GRAMD2B: variants seen among roughly 807,000 people sequenced by gnomAD.
The protein encoded by GRAMD2B is GRAM domain containing 2B.
In GRAMD2B, 41 loss-of-function variants were observed where a neutral mutation model predicts 59.2. The observed-to-expected ratio is 0.69, with a 90% CI of 0.54 to 0.90. The LOEUF (loss-of-function observed/expected upper bound fraction) is 0.90, where lower values mean the gene tolerates loss of function less well. Ranked by LOEUF, GRAMD2B falls within the 40% of genes least tolerant of loss-of-function variation. The pLI, the probability that GRAMD2B is intolerant of heterozygous loss-of-function variation, is 0.00. For synonymous variants in GRAMD2B, 161 were observed against 182.7 expected, an observed-to-expected ratio of 0.88 and a Z score of 0.96; for missense variants, 424 against 500.5, an observed-to-expected ratio of 0.85 and a Z score of 1.46.
At chr5:126,409,387 G>C (rs1195150829) in intron 1 of GRAMD2B, among the ~76,000 whole-genome samples, 1 of 152,162 alleles carries the variant, frequency 6.6e-6, no homozygotes, top group African/African-American at 2.4e-5. Flanking sequence ...ATTCTAACTA[G>C]TATGAGATGG....
intron 1 of GRAMD2B, among the ~76,000 whole-genome samples, chr5:126,458,241 C>A (rs1274482331): frequency 2.0e-5 from 3 of 152,012 alleles, no homozygotes; most frequent in Non-Finnish European, 4.4e-5. Context: ...TCAAGACCAG[C>A]CTGGCCAACA....
chr5:126,363,376 TA>T (rs1323680465), intron 1 of GRAMD2B, among the ~76,000 whole-genome samples: 1 of 152,200 alleles, frequency 6.6e-6, no homozygotes, highest in East Asian at 1.9e-4. Context: ...GTCAGAAATG[TA>T]AAATGTTACG....
chr5:126,400,078 GGTAT>G (rs1757695262), intron 1 of GRAMD2B, among the ~76,000 whole-genome samples: 1 of 149,612 alleles, frequency 6.7e-6, no homozygotes, highest in African/African-American at 2.5e-5. Flanking sequence ...TTTTGATAGC[GGTAT>G]GTTTTGAATC....
At chr5:126,398,018 A>ATTTT (rs70994864) in intron 1 of GRAMD2B, among the ~76,000 whole-genome samples, 2 of 72,470 alleles carry the variant, frequency 2.8e-5, no homozygotes, top group Non-Finnish European at 5.3e-5. Flanking sequence ...TTGTTGGGAG[A>ATTTT]TTTTTTTTTT....
At position 126,363,911 on chromosome 5, in the gene GRAMD2B, G is replaced by C. The variant is rs548257626; in HGVS notation, c.128+3452G>C. Among the ~76,000 whole-genome samples, 12 of 152,158 alleles carry C rather than the reference G, an allele frequency of 7.9e-5. No homozygotes were observed. In the South Asian group the frequency reaches 2.5e-3, roughly 32 times the overall value. Reference sequence around the variant, plus strand: ...CTAAAATTAGATGGTGGTGATGGTTGCACAATTCTGTAAATGTACTAAAGC... The same window carrying C: ...CTAAAATTAGATGGTGGTGATGGTTCCACAATTCTGTAAATGTACTAAAGC... On this transcript the variant is annotated intron_variant, in intron 1 of 13. Coordinates refer to the GRAMD2B transcript ENST00000513040.
At chr5:126,479,197 CTTTTT>C (rs1771231825) in intron 6 of GRAMD2B, among the ~76,000 whole-genome samples, 2 of 151,856 alleles carry the variant, frequency 1.3e-5, no homozygotes, top group Admixed American at 6.6e-5. Context: ...CTCCTTTTTC[CTTTTT>C]TATTTTTTCT....
chr5:126,422,238 C>A (rs2149777433), upstream of GRAMD2B, among the ~76,000 whole-genome samples: 1 of 148,656 alleles, frequency 6.7e-6, no homozygotes, highest in Non-Finnish European at 1.5e-5. Flanking sequence ...CACTCTGTTG[C>A]CCAGACTGGA....
At chr5:126,447,472 A>C (rs763788659) in intron 1 of GRAMD2B, among the ~76,000 whole-genome samples, 71 of 152,212 alleles carry the variant, frequency 4.7e-4, no homozygotes, top group Middle Eastern at 3.4e-3. Flanking sequence ...ACCATCCTCG[A>C]TAACACGGTG....
intron 3 of GRAMD2B, among the ~76,000 whole-genome samples, chr5:126,471,207 T>C (rs1390948296): frequency 6.6e-6 from 1 of 152,150 alleles, no homozygotes; most frequent in Non-Finnish European, 1.5e-5. Flanking sequence ...ATTCTCCTTA[T>C]AAGAATTTTT....
rs551729125 is a variant in GRAMD2B at position 126,383,829 on chromosome 5, A to T, written c.125+12262A>T. Among the ~76,000 whole-genome samples, 7 of 152,284 alleles carry T rather than the reference A, an allele frequency of 4.6e-5. No homozygotes were observed. The South Asian group carries it at 1.5e-3, about 32-fold the overall frequency. ...CCATTTCTTTATCTCACTCAGGGTG[A>T]TTTCTAGAGCCCCAGAGCATATAAA... On this transcript the variant is annotated intron_variant, in intron 1 of 8. Coordinates refer to the GRAMD2B transcript ENST00000506445.
intron 1 of GRAMD2B, among the ~76,000 whole-genome samples, chr5:126,431,382 G>A (rs956748440): frequency 6.6e-6 from 1 of 152,120 alleles, no homozygotes; most frequent in Non-Finnish European, 1.5e-5. Context: ...CCCATAAAAT[G>A]AATTCATAGT....
chr5:126,472,361 T>C (rs1345446485), intron 4 of GRAMD2B, 57 bp downstream of exon 4: 1 of 1,431,286 alleles, frequency 7.0e-7, no homozygotes, highest in African/African-American at 1.4e-5. Flanking sequence ...TGATCATTAG[T>C]TTTGGGGAAG....
chr5:126,421,274 T>C (rs921026124), upstream of GRAMD2B, among the ~76,000 whole-genome samples: 1 of 152,212 alleles, frequency 6.6e-6, no homozygotes, highest in African/African-American at 2.4e-5. Context: ...AATAAATAAA[T>C]TACTTAGCGG....
At chr5:126,395,076 CTTAGAG>C (rs2149728806) in intron 1 of GRAMD2B, among the ~76,000 whole-genome samples, 1 of 94,060 alleles carries the variant, frequency 1.1e-5, no homozygotes, top group Admixed American at 1.2e-4. Flanking sequence ...GTTCTTATAA[CTTAGAG>C]TTACACTTTT....
At chr5:126,471,595 C>T (rs1269355930) in intron 3 of GRAMD2B, among the ~76,000 whole-genome samples, 2 of 152,162 alleles carry the variant, frequency 1.3e-5, no homozygotes, top group Non-Finnish European at 2.9e-5. Flanking sequence ...GCATCCTACT[C>T]CTGTCACTGG....
intron 3 of GRAMD2B, 113 bp from the exon 4 acceptor site, chr5:126,472,125 A>G (rs915300837): frequency 6.6e-5 from 50 of 755,814 alleles, no homozygotes; most frequent in Admixed American, 2.2e-4. Context: ...GATCAGTGAG[A>G]AGGAATTCCT....
intron 1 of GRAMD2B, among the ~76,000 whole-genome samples, chr5:126,442,225 A>G (rs910553488): frequency 6.4e-4 from 97 of 151,836 alleles, no homozygotes; most frequent in African/African-American, 2.2e-3. Context: ...GAATATTTAC[A>G]TCAGTCATAA....
At chr5:126,389,587 T>C (rs1054860240) in intron 1 of GRAMD2B, among the ~76,000 whole-genome samples, 1 of 152,236 alleles carries the variant, frequency 6.6e-6, no homozygotes, top group South Asian at 2.1e-4. Flanking sequence ...AATAGAAAAC[T>C]GTGTGCTTAA....
chr5:126,410,498 A>G (rs1037058440), intron 1 of GRAMD2B, among the ~76,000 whole-genome samples: 5 of 151,664 alleles, frequency 3.3e-5, no homozygotes, highest in East Asian at 1.9e-4. Context: ...TTTGTCTGTT[A>G]TTGGTGTATA....
Sources: gnomAD v4.1 joint callset for allele counts (sites outside exome capture counted in the v4.1 genomes callset) on GRCh38, gnomAD v4.1.1 for gene constraint, MANE v1.5 for transcripts, NCBI Gene and HGNC (gene_info 2026-07-23, HGNC 2026-07-21) for gene names.